Variants in CUX1 observed in about 807,000 individuals in gnomAD.
The protein encoded by CUX1 is cut like homeobox 1, also known as protein CASP.
Under a neutral mutation model 158.8 loss-of-function variants are expected in CUX1, and 31 were observed. The ratio of observed to expected loss-of-function variants is 0.20; its 90% confidence interval spans 0.15 to 0.26. The LOEUF (loss-of-function observed/expected upper bound fraction) is 0.26, where lower values mean the gene tolerates loss of function less well. Ranked by LOEUF, CUX1 falls within the 10% of genes least tolerant of loss-of-function variation. The probability of loss-of-function intolerance (pLI) is 1.00; values close to 1 mark genes in which losing one functional copy is unlikely to be tolerated. For missense variants in CUX1, 1,589 were observed against 2,014.6 expected (o/e 0.79, Z 4.04); for synonymous variants, 879 against 862.1 (o/e 1.02, Z -0.34).
intron 20 of CUX1, among the ~76,000 whole-genome samples, chr7:102,211,704 C>T (rs782634440): frequency 5.3e-5 from 8 of 151,204 alleles, no homozygotes; most frequent in South Asian, 2.1e-4. Context: ...TGCTTGAACC[C>T]GAGAGACCCA....
rs1798225972 is a variant in CUX1 at position 101,869,181 on chromosome 7, G to A, written c.31-46934G>A. ...GGAATGGCTGGTGGGGGCAGGTAGG[G>A]GGAGACCAGGATGAGCCCCATGTGC... is the stretch of plus-strand genomic sequence containing the variant. On this transcript the variant is annotated intron_variant, in intron 1 of 23. Coordinates refer to ENST00000292535, the MANE Select transcript of CUX1 (RefSeq NM_181552.4). This position sits in a 1 kb window ranked among gnomAD's most constrained non-coding sequence, Gnocchi z 4.5. Among the ~76,000 whole-genome samples the A allele has an allele frequency of 6.6e-6, 1 of 152,118 alleles. No individual in the cohort carries two copies. Among genetic ancestry groups the A allele is most frequent in the African/African-American group, 2.4e-5 (1 of 41,432 alleles).
intron 15 of CUX1, 116 bp downstream of exon 15, chr7:102,197,421 G>C: frequency 7.9e-7 from 1 of 1,267,776 alleles, no homozygotes; most frequent in Non-Finnish European, 1.1e-6. Flanking sequence ...CATCACATCA[G>C]GTAAAGTTCT....
rs1323017044 is a variant in CUX1, at chr7:102,257,985, C to T, written c.*8943C>T. The stretch of plus-strand genomic sequence containing the variant: ...CTCTCTGGTAACATTTTATTTCTTG[C>T]TATTTGTTTTTCTACATTAAGAGTC... On this transcript the variant is annotated 3_prime_UTR_variant, in exon 24 of 24. Transcript: ENST00000292535. The T allele has an allele frequency of 1.0e-6, 1 of 973,890 alleles. No individual in the cohort carries two copies. Among genetic ancestry groups the T allele is most frequent in the Non-Finnish European group, 1.2e-6 (1 of 828,230 alleles). 60.3% of individuals were successfully genotyped at this position (973,890 alleles called of 1,614,324 possible).
chr7:102,253,618 G>A lies in CUX1; in HGVS notation c.*4576G>A, dbSNP rs1209827837. 25 of 985,336 alleles carry A rather than the reference G, an allele frequency of 2.5e-5. No individual in the cohort carries two copies. The highest frequency in any genetic ancestry group is 2.3e-4 in the East Asian group (2 of 8,832). The allele number at this position is 985,336 out of a possible 1,614,324, so 61.0% of individuals were successfully genotyped here. ...AAATAGCAGAGCCAGGGGAACAGAC[G>A]CATGTCCTTCTGGGAGTCACACAAA... On this transcript the variant is annotated 3_prime_UTR_variant, in exon 24 of 24. Coordinates refer to ENST00000292535, the MANE Select transcript of CUX1 (RefSeq NM_181552.4).
chr7:101,821,486 T>C lies in CUX1; in HGVS notation c.30+3817T>C, dbSNP rs546465795. Among the ~76,000 whole-genome samples the C allele has an allele frequency of 1.2e-3, 169 of 143,320 alleles. 1 individual carries two copies. The highest frequency in any genetic ancestry group is 8.4e-3 in the East Asian group (38 of 4,532). The allele number at this position is 143,320 out of a possible 152,430, so 94.0% of individuals were successfully genotyped here. A position where few individuals can be genotyped will look rare whatever the true frequency, so the allele number is the denominator to read the frequency against. The stretch of plus-strand genomic sequence containing the variant: ...CCCGAGTAGCTGGGACTACAGGCGC[T>C]GGCCACCAGGCCTGGCTAATTTTTT... On this transcript the variant is annotated intron_variant, in intron 1 of 23. Transcript: ENST00000292535.
chr7:102,275,172 G>T, intron 16 of CUX1: 1 of 1,085,644 alleles, frequency 9.2e-7, no homozygotes, highest in Non-Finnish European at 1.4e-6. Flanking sequence ...CCAGGGCTGG[G>T]GGACCCACCC....
chr7:101,867,477 C>T (rs987548827), intron 1 of CUX1, among the ~76,000 whole-genome samples: 3 of 152,186 alleles, frequency 2.0e-5, no homozygotes, highest in Non-Finnish European at 4.4e-5. Flanking sequence ...TAGGTCTGCC[C>T]CAGCCACAAC....
intron 1 of CUX1, among the ~76,000 whole-genome samples, chr7:101,848,641 G>T (rs1436401593): frequency 6.6e-6 from 1 of 152,050 alleles, no homozygotes; most frequent in Non-Finnish European, 1.5e-5. Flanking sequence ...TGCAGAGTGA[G>T]GCTCCATCTA....
chr7:101,915,692 G>A (rs1297383416), intron 1 of CUX1, among the ~76,000 whole-genome samples: 1 of 152,180 alleles, frequency 6.6e-6, no homozygotes, highest in Non-Finnish European at 1.5e-5. Flanking sequence ...ATCAGCAGAA[G>A]GACTAGAGCT....
In CUX1 at chr7:101,817,683, G is replaced by C. The variant is rs1399598798; in HGVS notation, c.30+14G>C. ...GCCAGGTTGAAGGTGAGCGGCGTGT[G>C]GGCCAGAAGTCCCGAGGTTGCAGGC... On this transcript the variant is annotated intron_variant, in intron 1 of 23. Transcript: ENST00000292535. The surrounding 1 kb of genome is among the most constrained non-coding windows in gnomAD (Gnocchi z 4.1). 3.9e-6 allele frequency: 6 copies of C among 1,550,960 alleles called. No homozygotes were observed. Among genetic ancestry groups the C allele is most frequent in the Non-Finnish European group, 5.2e-6 (6 of 1,147,286 alleles).
At position 101,912,037 on chromosome 7, in the gene CUX1, G is replaced by C. The variant is rs561219335; in HGVS notation, c.31-4078G>C. 4.6e-5 allele frequency among the ~76,000 whole-genome samples: 7 copies of C among 152,314 alleles called. No homozygotes were observed. The East Asian group carries it at 1.4e-3, about 29-fold the overall frequency. ...GAGCCCATCAGTTTGCTGCTAGCCT[G>C]CCAGCTTCCCATGACCTGGGACCTG... is the stretch of plus-strand genomic sequence containing the variant. On this transcript the variant is annotated intron_variant, in intron 1 of 23. Coordinates refer to ENST00000292535, the MANE Select transcript of CUX1 (RefSeq NM_181552.4).
chr7:101,915,027 G>A (rs1159127261), intron 1 of CUX1, among the ~76,000 whole-genome samples: 1 of 152,152 alleles, frequency 6.6e-6, no homozygotes, highest in African/African-American at 2.4e-5. Flanking sequence ...CTTCAGCTTT[G>A]ATTTTTCTCG....
intron 1 of CUX1, among the ~76,000 whole-genome samples, chr7:101,845,142 A>C (rs1795554877): frequency 6.7e-6 from 1 of 150,016 alleles, no homozygotes; most frequent in East Asian, 2.0e-4. Context: ...TCTGTTGTCC[A>C]TCTCTCTCTC....
intron 21 of CUX1, among the ~76,000 whole-genome samples, chr7:102,230,028 T>A (rs535957906): frequency 6.6e-6 from 1 of 152,278 alleles, no homozygotes; most frequent in Admixed American, 6.5e-5. Flanking sequence ...CTTTCTATCT[T>A]TATTTCCCAA....
chr7:102,277,801 GC>G, intron 17 of CUX1: 1 of 466,304 alleles, frequency 2.1e-6, no homozygotes, highest in Non-Finnish European at 3.9e-6. Context: ...CTGTGGTGGG[GC>G]CACAGTGGGG....
chr7:102,186,668 T>C (rs1554515414), intron 11 of CUX1, among the ~76,000 whole-genome samples: 1 of 152,044 alleles, frequency 6.6e-6, no homozygotes, highest in Admixed American at 6.6e-5. Flanking sequence ...CATTAGTCAT[T>C]TCCCTTGCTT....
chr7:101,898,878 C>T (rs1801841618), intron 1 of CUX1, among the ~76,000 whole-genome samples: 1 of 152,244 alleles, frequency 6.6e-6, no homozygotes, highest in Non-Finnish European at 1.5e-5. Flanking sequence ...AAGCATAAGC[C>T]ACCGCACCCG....
At chr7:101,940,144 G>A (rs1807526773) in intron 2 of CUX1, among the ~76,000 whole-genome samples, 1 of 151,700 alleles carries the variant, frequency 6.6e-6, no homozygotes, top group Non-Finnish European at 1.5e-5. Flanking sequence ...GGAGGCTGAG[G>A]CAGGAGGATT....
At chr7:102,118,313 G>A (rs1210507872) in intron 8 of CUX1, among the ~76,000 whole-genome samples, 5 of 152,112 alleles carry the variant, frequency 3.3e-5, no homozygotes, top group Admixed American at 6.6e-5. Context: ...TGAGGCGGGC[G>A]GCTCACTTGA....
Sources: allele counts gnomAD v4.1 joint callset (sites outside exome capture counted in the v4.1 genomes callset), GRCh38; gene constraint gnomAD v4.1.1; non-coding constraint Gnocchi (gnomAD v3.1); transcripts MANE v1.5; gene names NCBI Gene and HGNC (gene_info 2026-07-23, HGNC 2026-07-21).